Variants in USP20 observed in about 807,000 individuals in gnomAD.
The protein encoded by USP20 is ubiquitin specific peptidase 20.
USP20 carries 80 observed loss-of-function variants against 124.2 expected under a neutral mutation model. The observed-to-expected ratio is 0.64, with a 90% CI of 0.54 to 0.78. USP20 has a LOEUF of 0.78. Ranked by LOEUF, USP20 falls within the 30% of genes least tolerant of loss-of-function variation. The probability of loss-of-function intolerance (pLI) is 0.00; values close to 1 mark genes in which losing one functional copy is unlikely to be tolerated. For missense variants in USP20, 1,043 were observed against 1,244.4 expected (o/e 0.84, Z 2.44); for synonymous variants, 481 against 512.3 (o/e 0.94, Z 0.83).
At chr9:129,867,185 C>T (rs766497580) in intron 10 of USP20, among the ~76,000 whole-genome samples, 1 of 152,188 alleles carries the variant, frequency 6.6e-6, no homozygotes, top group Non-Finnish European at 1.5e-5. Context: ...CCCGAGCACC[C>T]GCTAGCTGCT....
intron 15 of USP20, among the ~76,000 whole-genome samples, chr9:129,872,710 G>A (rs1185080114): frequency 1.3e-5 from 2 of 152,030 alleles, no homozygotes; most frequent in Non-Finnish European, 2.9e-5. Flanking sequence ...AGTGTGCATG[G>A]AGGGGGAAAC....
chr9:129,852,390 C>T (rs2032971254), intron 2 of USP20, 150 bp from the exon 3 acceptor site: 1 of 639,028 alleles, frequency 1.6e-6, no homozygotes. Context: ...GAAAGTGATG[C>T]TCAGAGAGGT....
rs1197037996 is a variant in USP20, at chr9:129,879,676, C to T, written c.2584+32C>T. ...TCCCCCTGGGGTCAGCCAGGCTCCT[C>T]TCTGCCCTTCCTGGCTGCCAGGCTG... On this transcript the variant is annotated intron_variant, in intron 24 of 25. Transcript: ENST00000372429. This position sits in a 1 kb window ranked among gnomAD's most constrained non-coding sequence, Gnocchi z 4.2. 20 of 1,612,374 alleles carry T rather than the reference C, an allele frequency of 1.2e-5. No homozygotes were observed. The highest frequency in any genetic ancestry group is 1.6e-5 in the Non-Finnish European group (19 of 1,178,824).
chr9:129,875,143 GC>G (rs962722956), intron 19 of USP20, among the ~76,000 whole-genome samples, 166 bp from the exon 20 acceptor site: 1 of 152,212 alleles, frequency 6.6e-6, no homozygotes, highest in Non-Finnish European at 1.5e-5. Context: ...CTTCTCCAGG[GC>G]CCTGGCTGGC....
Position 129,852,593 on chromosome 9 carries a change from C to A in USP20, c.38C>A (p.Ser13Tyr), listed in dbSNP as rs1212283856. The A allele has an allele frequency of 6.2e-7, 1 of 1,600,326 alleles. No individual in the cohort carries two copies. The highest frequency in any genetic ancestry group is 2.2e-5 in the East Asian group (1 of 44,578). The change falls in exon 3 of 26, where the codon TCC becomes TAC. Residue 13 changes from serine (S) to tyrosine (Y), a missense_variant. Physicochemically the swap from Ser to Tyr is moderately radical, Grantham distance 144. Coordinates refer to ENST00000372429, the MANE Select transcript of USP20 (RefSeq NM_001110303.4). ...DSRDLCPHLD[S>Y]IGEVTKEDLL... The stretch of plus-strand genomic sequence containing the variant: ...AGGGACCTTTGCCCTCACCTTGACT[C>A]CATAGGAGAGGTGACCAAAGAGGAC...
intron 1 of USP20, among the ~76,000 whole-genome samples, chr9:129,847,191 G>A (rs1481342108): frequency 6.6e-6 from 1 of 151,768 alleles, no homozygotes; most frequent in African/African-American, 2.4e-5. Flanking sequence ...CTATTTTACA[G>A]TTCTTGAGGA....
chr9:129,853,796 A>G (rs139037478), intron 3 of USP20, among the ~76,000 whole-genome samples: 2 of 152,288 alleles, frequency 1.3e-5, no homozygotes, highest in Non-Finnish European at 2.9e-5. Context: ...GGGGGGATGA[A>G]GCAGGTGGCA....
intron 23 of USP20, among the ~76,000 whole-genome samples, chr9:129,878,949 C>T (rs1012340163): frequency 6.6e-6 from 1 of 152,236 alleles, no homozygotes; most frequent in African/African-American, 2.4e-5. Flanking sequence ...CGGGGCCCGG[C>T]AGGGTGGGTA....
intron 15 of USP20, among the ~76,000 whole-genome samples, chr9:129,872,356 T>C (rs749894058): frequency 3.3e-5 from 5 of 152,282 alleles, no homozygotes; most frequent in African/African-American, 4.8e-5. Context: ...TTTTGCCATG[T>C]TGGCCAGGTT....
intron 1 of USP20, among the ~76,000 whole-genome samples, chr9:129,848,460 T>G (rs574165545): frequency 1.3e-5 from 2 of 151,776 alleles, no homozygotes; most frequent in African/African-American, 4.8e-5. Context: ...GTTGCAAGAA[T>G]GTAAGTCCAA....
At chr9:129,853,887 T>G (rs1016091830) in intron 3 of USP20, among the ~76,000 whole-genome samples, 1 of 152,192 alleles carries the variant, frequency 6.6e-6, no homozygotes, top group Non-Finnish European at 1.5e-5. Context: ...GATCAGAGAC[T>G]GGGCTTGTCT....
Position 129,875,661 on chromosome 9 carries a change from A to G in USP20, c.2300+20A>G, listed in dbSNP as rs1391492154. ...CAACAGGTGAGAGCCTGGGAGGCCA[A>G]CTTGTCTCCGTCCTGTCCAGGGCCC... is the stretch of plus-strand genomic sequence containing the variant. On this transcript the variant is annotated intron_variant, in intron 21 of 25. Transcript: ENST00000372429. 5.0e-6 allele frequency: 8 copies of G among 1,611,590 alleles called. No homozygotes were observed. Among genetic ancestry groups the G allele is most frequent in the Admixed American group, 1.7e-5 (1 of 59,956 alleles).
At chr9:129,845,691 C>T (rs2032497831) in intron 1 of USP20, among the ~76,000 whole-genome samples, 1 of 151,826 alleles carries the variant, frequency 6.6e-6, no homozygotes, top group Non-Finnish European at 1.5e-5. Flanking sequence ...TGTGACTGAC[C>T]TTATTAGATT....
chr9:129,873,080 CTTTTTTTTT>C (rs59712662), intron 15 of USP20, among the ~76,000 whole-genome samples: 1 of 78,366 alleles, frequency 1.3e-5, no homozygotes, highest in Non-Finnish European at 2.3e-5. Flanking sequence ...TTTTCTTCTT[CTTTTTTTTT>C]TTTTTTTTTT....
chr9:129,867,017 T>C (rs2033851218), intron 10 of USP20, among the ~76,000 whole-genome samples: 2 of 152,086 alleles, frequency 1.3e-5, no homozygotes, highest in Admixed American at 1.3e-4. Flanking sequence ...GGGATCCTCT[T>C]CCCAGATGTG....
In USP20 at chr9:129,874,972, G is replaced by C; in HGVS notation, c.2048+17G>C. On this transcript the variant is annotated intron_variant, in intron 19 of 25. Transcript: ENST00000372429. ...CTTCTACAGGTGGGCGCTGGGCCAGGCCTGGTGGAGGAACCTCACCATCCC... is the reference window on the plus strand; with the variant it reads ...CTTCTACAGGTGGGCGCTGGGCCAGCCCTGGTGGAGGAACCTCACCATCCC... 1.9e-6 allele frequency: 3 copies of C among 1,611,598 alleles called. No individual in the cohort carries two copies. The East Asian group carries it at 6.7e-5, about 36-fold the overall frequency.
intron 1 of USP20, among the ~76,000 whole-genome samples, chr9:129,838,819 A>C (rs184856307): frequency 1.3e-5 from 2 of 152,198 alleles, no homozygotes; most frequent in Non-Finnish European, 2.9e-5. Flanking sequence ...GACCTGGGCC[A>C]GTGACTGGCT....
Position 129,874,936 on chromosome 9 carries a change from G to A in USP20, c.2029G>A (p.Gly677Ser), listed in dbSNP as rs774785060. The change falls in exon 19 of 26, where the codon GGC (glycine) becomes AGC (serine). Residue 677 changes from glycine (G) to serine (S), a missense_variant. Physicochemically the swap from Gly to Ser is moderately conservative, Grantham distance 56. Coordinates refer to ENST00000372429, the MANE Select transcript of USP20 (RefSeq NM_001110303.4). ...CGAGACGGTGGTGCAGAACGCCGAG[G>A]GCTACGTACTCTTCTACAGGTGGGC... Reference protein sequence around the residue: ...VHETVVQNAEGYVLFYRKSSE... With the variant: ...VHETVVQNAESYVLFYRKSSE... 2.5e-6 allele frequency: 4 copies of A among 1,613,918 alleles called. No individual in the cohort carries two copies. The South Asian group carries it at 4.4e-5, about 18-fold the overall frequency.
chr9:129,860,832 G>C, intron 6 of USP20, 105 bp from the exon 7 acceptor site: 1 of 1,162,476 alleles, frequency 8.6e-7, no homozygotes, highest in South Asian at 1.3e-5. Context: ...GCCCAGTAGG[G>C]CCTTCCGGGC....
Sources: allele counts gnomAD v4.1 joint callset (sites outside exome capture counted in the v4.1 genomes callset), GRCh38; gene constraint gnomAD v4.1.1; non-coding constraint Gnocchi (gnomAD v3.1); transcripts MANE v1.5; gene names NCBI Gene and HGNC (gene_info 2026-07-23, HGNC 2026-07-21).